LRPPRC: variants seen among roughly 807,000 people sequenced by gnomAD.
LRPPRC encodes leucine rich pentatricopeptide repeat containing.
Under a neutral mutation model 180.3 loss-of-function variants are expected in LRPPRC, and 120 were observed. The ratio of observed to expected loss-of-function variants is 0.67; its 90% CI spans 0.57 to 0.77. The LOEUF (loss-of-function observed/expected upper bound fraction) is 0.77. LRPPRC is among the 30% of genes least tolerant of loss of function. LRPPRC has a pLI of 0.00. For missense variants in LRPPRC, 2,012 were observed against 1,657.2 expected, an observed-to-expected ratio of 1.21 and a Z score of -3.72; for synonymous variants, 723 against 600.0, an observed-to-expected ratio of 1.21 and a Z score of -3.00.
rs1253847856 is a variant in LRPPRC, at chr2:43,896,628, C to T, written c.3900+6G>A. 1.9e-6 allele frequency: 3 copies of T among 1,593,540 alleles called. No homozygotes were observed. The highest frequency in any genetic ancestry group is 2.2e-5 in the East Asian group (1 of 44,726). On this transcript the variant is annotated splice_donor_region_variant and intron_variant, in intron 35 of 37. Transcript: ENST00000260665. ...CATTGATTTGTAAGCAGGTAAAGCA[C>T]AGTACCTTTCCTTGTTTCCTAGAAT...
chr2:43,981,448 C>T (rs917472839), intron 2 of LRPPRC, among the ~76,000 whole-genome samples: 1 of 152,128 alleles, frequency 6.6e-6, no homozygotes, highest in Non-Finnish European at 1.5e-5. Context: ...ATCACGAGGT[C>T]AGGAGTTCGA....
intron 25 of LRPPRC, among the ~76,000 whole-genome samples, chr2:43,933,158 G>C (rs1672150959): frequency 2.0e-5 from 3 of 152,228 alleles, no homozygotes; most frequent in African/African-American, 7.2e-5. Context: ...CTGCTGACAA[G>C]TGGGCAGATT....
At position 43,974,835 on chromosome 2, in the gene LRPPRC, G is replaced by T. The variant is rs530757189; in HGVS notation, c.865-77C>A. 3.5e-6 allele frequency: 5 copies of T among 1,448,608 alleles called. No homozygotes were observed. In the Admixed American group the frequency reaches 5.2e-5, roughly 15 times the overall value. 89.7% of individuals were successfully genotyped at this position (1,448,608 alleles called of 1,614,324 possible). On this transcript the variant is annotated intron_variant, in intron 7 of 37. Coordinates refer to ENST00000260665, the MANE Select transcript of LRPPRC (RefSeq NM_133259.4). ...GTATTAAAGCTAAATAAAATATCCA[G>T]ATTCAAAAAACTAGGGAAAAATACC...
At chr2:43,916,921 G>T (rs1369089843) in intron 29 of LRPPRC, among the ~76,000 whole-genome samples, 1 of 146,214 alleles carries the variant, frequency 6.8e-6, no homozygotes, top group African/African-American at 2.6e-5. Context: ...CTCCAGTCTG[G>T]GTGACAGAGT....
rs557644407 is a variant in LRPPRC, at chr2:43,934,587, G to A, written c.2629+167C>T. Among the ~76,000 whole-genome samples the A allele has an allele frequency of 3.3e-5, 5 of 151,848 alleles. No individual in the cohort carries two copies. In the South Asian group the frequency reaches 1.0e-3, roughly 32 times the overall value. On this transcript the variant is annotated intron_variant, in intron 24 of 37. Coordinates refer to ENST00000260665, the MANE Select transcript of LRPPRC (RefSeq NM_133259.4). ...GAACAGTTACTAAAATCAAGAACAT[G>A]TATAATATTGGAAATCTACCTGATA...
chr2:43,910,311 T>G (rs898522888), intron 30 of LRPPRC, among the ~76,000 whole-genome samples: 3 of 151,792 alleles, frequency 2.0e-5, no homozygotes, highest in Non-Finnish European at 4.4e-5. Flanking sequence ...TTGGGCTCAC[T>G]GCAACCTCTG....
At chr2:43,987,707 T>A (rs2103765747) in intron 1 of LRPPRC, among the ~76,000 whole-genome samples, 1 of 152,246 alleles carries the variant, frequency 6.6e-6, no homozygotes. Flanking sequence ...AATCTTTAGT[T>A]TCTCAGGCTT....
chr2:43,927,736 G>A (rs1328183366), intron 25 of LRPPRC, among the ~76,000 whole-genome samples: 3 of 152,184 alleles, frequency 2.0e-5, no homozygotes, highest in African/African-American at 7.2e-5. Context: ...CTTTCTGTTT[G>A]TGGCTGATTA....
In LRPPRC at chr2:43,899,283, A is replaced by G. The variant is rs761665614; in HGVS notation, c.3761T>C (p.Val1254Ala). ...LANQFAIYKP[V>A]TDFFLQLVDA... ...CACAAGTTGAAGGAAAAAATCAGTG[A>G]CAGGTTTATAAATTGCAAACTGATT... The change falls in exon 34 of 38, where the codon GTC (valine) becomes GCC (alanine). Residue 1254 changes from valine (V) to alanine (A), a missense_variant. By Grantham distance (64) the Val-to-Ala change is moderately conservative. Coordinates refer to ENST00000260665, the MANE Select transcript of LRPPRC (RefSeq NM_133259.4). 3 of 1,614,188 alleles carry G rather than the reference A, an allele frequency of 1.9e-6. No individual in the cohort carries two copies. Among genetic ancestry groups the G allele is most frequent in the Non-Finnish European group, 2.5e-6 (3 of 1,180,008 alleles).
chr2:43,983,590 C>T (rs1461826965), intron 1 of LRPPRC, among the ~76,000 whole-genome samples: 1 of 152,132 alleles, frequency 6.6e-6, no homozygotes, highest in Non-Finnish European at 1.5e-5. Context: ...GTGGTTTACA[C>T]ATTTATTGCA....
chr2:43,965,797 A>G (rs953637783), intron 11 of LRPPRC, among the ~76,000 whole-genome samples: 3 of 152,208 alleles, frequency 2.0e-5, no homozygotes, highest in African/African-American at 7.2e-5. Context: ...GGAAATGCAA[A>G]TTTAAGCCAC....
Position 43,945,910 on chromosome 2 carries a change from T to C in LRPPRC, c.2210+203A>G, listed in dbSNP as rs78384321. On this transcript the variant is annotated intron_variant, in intron 21 of 37. Coordinates refer to ENST00000260665, the MANE Select transcript of LRPPRC (RefSeq NM_133259.4). ...TGGTTCTAAGGACTAGAATGTCTTATCATACTTAAACAAAGACACCTTGCT... is the reference window on the plus strand; with the variant it reads ...TGGTTCTAAGGACTAGAATGTCTTACCATACTTAAACAAAGACACCTTGCT... Among the ~76,000 whole-genome samples the C allele has an allele frequency of 8.9e-4, 135 of 151,778 alleles. 1 individual carries two copies. The highest frequency in any genetic ancestry group is 1.4e-3 in the Non-Finnish European group (94 of 67,902).
At position 43,912,516 on chromosome 2, in the gene LRPPRC, A is replaced by T; in HGVS notation, c.3191T>A (p.Val1064Glu). 1 of 1,605,492 alleles carries T rather than the reference A, an allele frequency of 6.2e-7. No individual in the cohort carries two copies. The highest frequency in any genetic ancestry group is 8.5e-7 in the Non-Finnish European group (1 of 1,172,388). The change falls in exon 30 of 38, where the codon GTG becomes GAG. Residue 1064 changes from valine (V) to glutamate (E), a missense_variant. Transcript: ENST00000260665. ...ATTGCTGTAGGTTTCAGCATTAAACACAATGTTTTGCTCTTTTGCATTCAG... is the reference window on the plus strand; with the variant it reads ...ATTGCTGTAGGTTTCAGCATTAAACTCAATGTTTTGCTCTTTTGCATTCAG... ...IFLNAKEQNI[V>E]FNAETYSNLI...
chr2:43,961,373 G>T (rs1253853771), intron 12 of LRPPRC, among the ~76,000 whole-genome samples: 1 of 152,090 alleles, frequency 6.6e-6, no homozygotes, highest in Non-Finnish European at 1.5e-5. Context: ...AAATAAGAAT[G>T]TTCTTTCTTT....
rs1263285909 is a variant in LRPPRC, at chr2:43,973,808, G to A, written c.1248C>T (p.Leu416=). The A allele has an allele frequency of 1.2e-5, 19 of 1,613,128 alleles. No homozygotes were observed. The highest frequency in any genetic ancestry group is 2.2e-5 in the East Asian group (1 of 44,876). Residue 416 remains leucine, a synonymous_variant, in exon 10 of 38, where the codon CTC becomes CTT. Coordinates refer to ENST00000260665, the MANE Select transcript of LRPPRC (RefSeq NM_133259.4). The part of the protein sequence containing the change: ...PLQFTLHCAL[L]ANKTDLAKAL... ...AGAATGTAGTACCAGTTTTATTGGCGAGTAAAGCACAATGGAGGGTGAACT... is the reference window on the plus strand; with the variant it reads ...AGAATGTAGTACCAGTTTTATTGGCAAGTAAAGCACAATGGAGGGTGAACT...
intron 1 of LRPPRC, among the ~76,000 whole-genome samples, chr2:43,985,535 T>C (rs1674492494): frequency 6.6e-6 from 1 of 152,218 alleles, no homozygotes; most frequent in African/African-American, 2.4e-5. Context: ...GATTTTTACC[T>C]GTCTCTAGTT....
At chr2:43,972,048 A>G (rs1210471954) in intron 11 of LRPPRC, among the ~76,000 whole-genome samples, 1 of 152,224 alleles carries the variant, frequency 6.6e-6, no homozygotes, top group Non-Finnish European at 1.5e-5. Flanking sequence ...AGCAGCTAAG[A>G]ATTTTTAGAA....
chr2:43,975,588 CTT>C (rs201011515), intron 6 of LRPPRC, among the ~76,000 whole-genome samples: 3 of 144,274 alleles, frequency 2.1e-5, no homozygotes, highest in Non-Finnish European at 1.5e-5. Context: ...TTTCTTTTTT[CTT>C]TTTTTTTTTT....
intron 3 of LRPPRC, among the ~76,000 whole-genome samples, chr2:43,977,740 T>C (rs755075336): frequency 6.6e-6 from 1 of 152,168 alleles, no homozygotes; most frequent in Non-Finnish European, 1.5e-5. Flanking sequence ...TTTCAGCTGA[T>C]GAACATGATC....
Sources: gnomAD v4.1 joint callset for allele counts (sites outside exome capture counted in the v4.1 genomes callset) on GRCh38, gnomAD v4.1.1 for gene constraint, MANE v1.5 for transcripts, NCBI Gene and HGNC (gene_info 2026-07-23, HGNC 2026-07-21) for gene names.